Variants in DNAH17 observed in about 807,000 individuals in gnomAD.
DNAH17 encodes dynein axonemal heavy chain 17.
A neutral mutation model predicts 485.6 loss-of-function variants in DNAH17; 376 were observed. That is an observed-to-expected ratio of 0.77 (90% confidence interval 0.71 to 0.84). The LOEUF (loss-of-function observed/expected upper bound fraction) is 0.84. Among genes scored for constraint, DNAH17 ranks in the 40% least tolerant of loss-of-function variants. The pLI, the probability that DNAH17 is intolerant of heterozygous loss-of-function variation, is 0.00. For synonymous variants in DNAH17, 3,031 were observed against 2,405.9 expected (o/e 1.26, Z -7.60); for missense variants, 6,370 against 5,839.3 (o/e 1.09, Z -2.96).
intron 71 of DNAH17, among the ~76,000 whole-genome samples, chr17:78,442,391 C>T (rs2087109878): frequency 6.6e-6 from 1 of 152,234 alleles, no homozygotes; most frequent in Admixed American, 6.5e-5. Context: ...GTGTCCTGAA[C>T]TGGGGCCAGC....
At chr17:78,449,896 G>C in intron 68 of DNAH17, 2 of 429,422 alleles carry the variant, frequency 4.7e-6, no homozygotes. Context: ...GGCTGGTCTT[G>C]AACTCCTGAC....
At chr17:78,456,293 C>T (rs1260945772) in intron 62 of DNAH17, among the ~76,000 whole-genome samples, 3 of 151,556 alleles carry the variant, frequency 2.0e-5, no homozygotes, top group Middle Eastern at 6.8e-3. Flanking sequence ...AGCAAGACTT[C>T]ATCTCAAAAC....
chr17:78,474,070 C>T (rs1344550821), intron 54 of DNAH17, among the ~76,000 whole-genome samples: 2 of 152,228 alleles, frequency 1.3e-5, no homozygotes, highest in Non-Finnish European at 2.9e-5. Flanking sequence ...GAGGCTCTCC[C>T]AGAGGTTGGC....
At position 78,481,968 on chromosome 17, in the gene DNAH17, T is replaced by C. The variant is rs147504268; in HGVS notation, c.7650-1182A>G. ...AGGTGGAGGCTGCAGTGAGCCAAGATCATGCTATTGCACTCCAGCCTGGGC... is the reference window on the plus strand; with the variant it reads ...AGGTGGAGGCTGCAGTGAGCCAAGACCATGCTATTGCACTCCAGCCTGGGC... On this transcript the variant is annotated intron_variant, in intron 48 of 80. Transcript: ENST00000389840. 3.2e-3 allele frequency among the ~76,000 whole-genome samples: 488 copies of C among 152,020 alleles called. 7 individuals carry two copies. Among genetic ancestry groups the C allele is most frequent in the East Asian group, 5.8e-3 (30 of 5,182 alleles).
At chr17:78,509,679 C>T (rs1231598172) in intron 27 of DNAH17, among the ~76,000 whole-genome samples, 1 of 152,158 alleles carries the variant, frequency 6.6e-6, no homozygotes, top group Non-Finnish European at 1.5e-5. Flanking sequence ...CAGGTACCAG[C>T]TGGGGGCCAT....
intron 77 of DNAH17, chr17:78,428,273 C>T (rs1227514269): frequency 1.1e-5 from 6 of 542,314 alleles, no homozygotes; most frequent in Non-Finnish European, 1.3e-5. Context: ...CTCTTGGAGC[C>T]GCATCCACAC....
At position 78,445,571 on chromosome 17, in the gene DNAH17, C is replaced by T. The variant is rs867583191; in HGVS notation, c.11321G>A (p.Trp3774Ter). 5 of 1,561,828 alleles carry T rather than the reference C, an allele frequency of 3.2e-6. No homozygotes were observed. Among genetic ancestry groups the T allele is most frequent in the Non-Finnish European group, 4.3e-6 (5 of 1,152,648 alleles). ...CTAAAGACGAACCTTGATCCCGCCC[C>T]AGCCTTGATGCTGGAGGAAGTCCAC... Reference protein sequence around the residue: ...SPVDFLQHQGWGGIKALSEMD... With the variant: ...SPVDFLQHQG Residue 3774 changes from tryptophan (W) to a stop codon, truncating the protein, a stop_gained, in exon 70 of 81, where the codon TGG becomes TAG. Transcript: ENST00000389840. LOFTEE classifies it high-confidence loss of function.
intron 25 of DNAH17, 128 bp from the exon 26 acceptor site, chr17:78,515,150 C>T (rs1448915692): frequency 1.9e-5 from 21 of 1,085,990 alleles, no homozygotes; most frequent in Middle Eastern, 4.1e-4. Context: ...AACTAATACC[C>T]GAGATCAGTA....
chr17:78,438,068 C>T (rs553115676), intron 73 of DNAH17, among the ~76,000 whole-genome samples, 200 bp from the exon 74 acceptor site: 1 of 152,268 alleles, frequency 6.6e-6, no homozygotes, highest in Non-Finnish European at 1.5e-5. Context: ...TTCGGCGAAG[C>T]AACTGAGGCC....
At chr17:78,501,551 G>T in intron 34 of DNAH17, 191 bp downstream of exon 34, 1 of 976,326 alleles carries the variant, frequency 1.0e-6, no homozygotes, top group Non-Finnish European at 1.5e-6. Context: ...GGCGGGCACC[G>T]CTCATCTGAC....
chr17:78,552,818 G>C lies in DNAH17; in HGVS notation c.2179-13C>G. Reference sequence around the variant, plus strand: ...CTATAGTCTTTATCTGAAAAACAGAGGTGACAGGTTTTGTTCCGAGTCCAA... The same window carrying C: ...CTATAGTCTTTATCTGAAAAACAGACGTGACAGGTTTTGTTCCGAGTCCAA... On this transcript the variant is annotated splice_polypyrimidine_tract_variant and intron_variant, in intron 14 of 80. Transcript: ENST00000389840. 1 of 1,583,776 alleles carries C rather than the reference G, an allele frequency of 6.3e-7. No homozygotes were observed. Among genetic ancestry groups the C allele is most frequent in the Admixed American group, 1.7e-5 (1 of 59,932 alleles).
chr17:78,472,269 AGT>A (rs1312652062), intron 54 of DNAH17, among the ~76,000 whole-genome samples: 34 of 130,428 alleles, frequency 2.6e-4, no homozygotes, highest in African/African-American at 1.1e-3. Flanking sequence ...AGGGTTAGGG[AGT>A]AGGGGTGCGA....
intron 54 of DNAH17, 64 bp from the exon 55 acceptor site, chr17:78,468,947 C>A: frequency 1.9e-6 from 3 of 1,546,116 alleles, no homozygotes; most frequent in Non-Finnish European, 1.7e-6. Context: ...AGACATCCTC[C>A]ACAACCAACC....
rs193142244 is a variant in DNAH17 at position 78,497,986 on chromosome 17, T to C, written c.5745+1022A>G. Among the ~76,000 whole-genome samples the C allele has an allele frequency of 2.0e-5, 3 of 151,818 alleles. No individual in the cohort carries two copies. The East Asian group carries it at 5.8e-4, about 30-fold the overall frequency. ...GGAGAAACCCCATCTCTACTAAAAA[T>C]ACAAAATTAGCCGGGCGTGGTGGTG... On this transcript the variant is annotated intron_variant, in intron 37 of 80. Transcript: ENST00000389840.
At chr17:78,544,387 G>A (rs1270105303) in intron 16 of DNAH17, among the ~76,000 whole-genome samples, 1 of 152,212 alleles carries the variant, frequency 6.6e-6, no homozygotes, top group Non-Finnish European at 1.5e-5. Context: ...GCTGCAAACG[G>A]AGGGCCACGT....
chr17:78,429,547 G>C (rs1459604665), intron 75 of DNAH17, among the ~76,000 whole-genome samples: 1 of 152,184 alleles, frequency 6.6e-6, no homozygotes, highest in Non-Finnish European at 1.5e-5. Context: ...GGGGCTGTGT[G>C]GCACCTCCCT....
chr17:78,552,655 T>G, intron 15 of DNAH17, 42 bp downstream of exon 15: 1 of 1,478,856 alleles, frequency 6.8e-7, no homozygotes, highest in Non-Finnish European at 9.5e-7. Context: ...CAGGTTGGAC[T>G]CCCAAGTTTA....
rs910698784 is a variant in DNAH17 at position 78,478,752 on chromosome 17, C to T, written c.7992+273G>A. 17 of 416,684 alleles carry T rather than the reference C, an allele frequency of 4.1e-5. No individual in the cohort carries two copies. In the East Asian group the frequency reaches 6.4e-4, roughly 16 times the overall value. The allele number at this position is 416,684 out of a possible 1,614,324, so 25.8% of individuals were successfully genotyped here. On this transcript the variant is annotated intron_variant, in intron 51 of 80. Coordinates refer to ENST00000389840, the MANE Select transcript of DNAH17 (RefSeq NM_173628.4). Reference sequence around the variant, plus strand: ...ATCACCACCATCATCACCATCACCACCATCACTATCATCATCACATCACCA... The same window carrying T: ...ATCACCACCATCATCACCATCACCATCATCACTATCATCATCACATCACCA...
chr17:78,477,978 TCATCACCACCATCAC>T (rs1169779757), intron 51 of DNAH17, among the ~76,000 whole-genome samples: 1 of 118,006 alleles, frequency 8.5e-6, no homozygotes, highest in African/African-American at 3.9e-5. Context: ...ACCACCATCA[TCATCACCACCATCAC>T]CACCACCATC....
Sources: allele counts gnomAD v4.1 joint callset (sites outside exome capture counted in the v4.1 genomes callset), GRCh38; gene constraint gnomAD v4.1.1; transcripts MANE v1.5; gene names NCBI Gene and HGNC (gene_info 2026-07-23, HGNC 2026-07-21).